OPCML: variants seen among roughly 807,000 people sequenced by gnomAD.
OPCML encodes the protein opioid-binding protein/cell adhesion molecule.
In OPCML, 13 loss-of-function variants were observed where a neutral mutation model predicts 37.8. That is an observed-to-expected ratio of 0.34 (90% CI 0.22 to 0.55). OPCML has a LOEUF of 0.55. Among genes scored for constraint, OPCML ranks in the 20% least tolerant of loss-of-function variants. The probability of loss-of-function intolerance (pLI) is 0.91; values close to 1 mark genes in which losing one functional copy is unlikely to be tolerated. For synonymous variants in OPCML, 176 were observed against 168.8 expected, an observed-to-expected ratio of 1.04 and a Z score of -0.33; for missense variants, 341 against 435.6, an observed-to-expected ratio of 0.78 and a Z score of 1.93.
intron 3 of OPCML, among the ~76,000 whole-genome samples, chr11:132,634,007 G>C (rs1940322692): frequency 6.6e-6 from 1 of 152,158 alleles, no homozygotes; most frequent in South Asian, 2.1e-4. Flanking sequence ...GTCAAAAGAT[G>C]GGGGTAGCAG....
intron 1 of OPCML, among the ~76,000 whole-genome samples, chr11:133,392,495 G>C (rs1945193205): frequency 6.6e-6 from 1 of 152,194 alleles, no homozygotes; most frequent in Non-Finnish European, 1.5e-5. Flanking sequence ...AAGAAGGCTG[G>C]ATCCTGTCGG....
chr11:132,752,221 GT>G, intron 2 of OPCML, among the ~76,000 whole-genome samples: 1 of 151,250 alleles, frequency 6.6e-6, no homozygotes, highest in Non-Finnish European at 1.5e-5. Flanking sequence ...GTATTTTGAA[GT>G]TTGTTGCCAC....
intron 4 of OPCML, among the ~76,000 whole-genome samples, chr11:132,486,281 T>G (rs1051062619): frequency 1.3e-5 from 2 of 152,196 alleles, no homozygotes; most frequent in Non-Finnish European, 2.9e-5. Flanking sequence ...GAAGGAGTGA[T>G]GCACCTATCT....
rs74392581 is a variant in OPCML at position 132,839,933 on chromosome 11, C to T, written c.146+102993G>A. 4.7e-4 allele frequency among the ~76,000 whole-genome samples: 72 copies of T among 152,232 alleles called. No homozygotes were observed. In the East Asian group the frequency reaches 0.013, roughly 27 times the overall value. ...TCTTCCGTCCCATTAAGACTTCCTT[C>T]GGCTTTGTAAATAGCCATTTGTGAT... On this transcript the variant is annotated intron_variant, in intron 2 of 7. Transcript: ENST00000524381.
At chr11:133,059,522 C>T (rs920150853) in intron 1 of OPCML, among the ~76,000 whole-genome samples, 5 of 152,220 alleles carry the variant, frequency 3.3e-5, no homozygotes, top group African/African-American at 1.2e-4. Context: ...CACTCTTCAC[C>T]TCCGCACGCT....
At chr11:132,896,059 C>T (rs186616467) in intron 2 of OPCML, among the ~76,000 whole-genome samples, 160 of 152,198 alleles carry the variant, frequency 1.1e-3, no homozygotes, top group Middle Eastern at 0.01. Flanking sequence ...GAGCCGAGGT[C>T]CTCAATTTAA....
At chr11:132,442,222 T>C (rs549193864) in intron 4 of OPCML, among the ~76,000 whole-genome samples, 1 of 152,322 alleles carries the variant, frequency 6.6e-6, no homozygotes, top group South Asian at 2.1e-4. Context: ...TTTTAGTTCT[T>C]TGTCATTTCT....
intron 2 of OPCML, among the ~76,000 whole-genome samples, chr11:132,723,164 G>C (rs1944737527): frequency 6.6e-6 from 1 of 152,190 alleles, no homozygotes; most frequent in African/African-American, 2.4e-5. Context: ...TATGTTTCAA[G>C]GGTATGTGCC....
chr11:132,618,990 CA>C (rs1939227123), intron 3 of OPCML, among the ~76,000 whole-genome samples: 1 of 118,284 alleles, frequency 8.5e-6, no homozygotes, highest in Admixed American at 9.0e-5. Flanking sequence ...CACACACACA[CA>C]CACACACACC....
chr11:133,007,397 G>A lies in OPCML; in HGVS notation c.62-64387C>T, dbSNP rs527866889. The A allele has an allele frequency of 3.6e-5, 35 of 985,358 alleles. No individual in the cohort carries two copies. In the East Asian group the frequency reaches 1.2e-3, roughly 35 times the overall value. The allele number at this position is 985,358 out of a possible 1,614,324, so 61.0% of individuals were successfully genotyped here. On this transcript the variant is annotated intron_variant, in intron 1 of 7. Coordinates refer to ENST00000524381, the MANE Select transcript of OPCML (RefSeq NM_001012393.5). Reference sequence around the variant, plus strand: ...ACAGAGCAGATACTTGGTGCTTATCGCCCCATTAAAGAGTCAAAGAATGCT... The same window carrying A: ...ACAGAGCAGATACTTGGTGCTTATCACCCCATTAAAGAGTCAAAGAATGCT...
chr11:132,491,684 C>T (rs183706526), intron 4 of OPCML, among the ~76,000 whole-genome samples: 11 of 152,316 alleles, frequency 7.2e-5, no homozygotes, highest in East Asian at 1.9e-4. Context: ...GCTAAGCCTT[C>T]GCTTTGAGCG....
At chr11:132,565,806 T>G (rs9645675) in intron 3 of OPCML, among the ~76,000 whole-genome samples, 102,311 of 152,078 alleles carry the variant, frequency 0.67, 34,907 homozygotes, top group East Asian at 0.8. Flanking sequence ...GCTGGGGCAG[T>G]CAGATCACTT....
In OPCML at chr11:133,013,949, G is replaced by C. The variant is rs114408547; in HGVS notation, c.62-70939C>G. On this transcript the variant is annotated intron_variant, in intron 1 of 7. Coordinates refer to ENST00000524381, the MANE Select transcript of OPCML (RefSeq NM_001012393.5). ...ACAGCTCTGTGCCCTGCCTCTATTT[G>C]CTTAAAAGTAGGACATAGATTTACA... Among the ~76,000 whole-genome samples the C allele has an allele frequency of 7.3e-3, 1,111 of 152,260 alleles. 15 individuals are homozygous for C. Among genetic ancestry groups the C allele is most frequent in the African/African-American group, 0.025 (1,057 of 41,554 alleles).
chr11:132,902,444 G>A (rs535340340), intron 2 of OPCML, among the ~76,000 whole-genome samples: 49 of 152,208 alleles, frequency 3.2e-4, no homozygotes, highest in Middle Eastern at 3.2e-3. Context: ...TGATTTCTGT[G>A]ACTTGGCTGT....
chr11:133,093,304 CT>C (rs1456658008), intron 1 of OPCML, among the ~76,000 whole-genome samples: 4 of 146,790 alleles, frequency 2.7e-5, no homozygotes, highest in African/African-American at 1.0e-4. Context: ...TTAAAATTTA[CT>C]TTAAGTTCTG....
chr11:132,770,216 G>A (rs1016644941), intron 2 of OPCML, among the ~76,000 whole-genome samples: 3 of 152,136 alleles, frequency 2.0e-5, no homozygotes, highest in Admixed American at 6.5e-5. Context: ...TGGGGATACC[G>A]CACTACCAAA....
At chr11:132,484,813 C>T (rs1340168823) in intron 4 of OPCML, among the ~76,000 whole-genome samples, 3 of 152,010 alleles carry the variant, frequency 2.0e-5, no homozygotes, top group Non-Finnish European at 4.4e-5. Flanking sequence ...TAAACTATCG[C>T]AAGAACAAAA....
intron 1 of OPCML, chr11:133,300,669 A>T (rs1565558306): frequency 6.6e-6 from 1 of 152,174 alleles, no homozygotes; most frequent in South Asian, 2.1e-4. Context: ...ATCGTTTTGT[A>T]TGAGGAGAAG....
At chr11:133,439,323 G>A (rs1946309653) in intron 1 of OPCML, 2 of 983,248 alleles carry the variant, frequency 2.0e-6, no homozygotes, top group Non-Finnish European at 2.4e-6. Flanking sequence ...CCAACCTCAA[G>A]CAAAGAAAAA....
Sources: allele counts gnomAD v4.1 joint callset (sites outside exome capture counted in the v4.1 genomes callset), GRCh38; gene constraint gnomAD v4.1.1; transcripts MANE v1.5; gene names NCBI Gene and HGNC (gene_info 2026-07-23, HGNC 2026-07-21).